CUZD1: variants seen among roughly 807,000 people sequenced by gnomAD.
The protein encoded by CUZD1 is CUB and zona pellucida-like domain-containing protein 1.
Under a neutral mutation model 53.1 loss-of-function variants are expected in CUZD1, and 42 were observed. The ratio of observed to expected loss-of-function variants is 0.79; its 90% CI spans 0.62 to 1.02. The LOEUF (loss-of-function observed/expected upper bound fraction) is 1.02, where lower values mean the gene tolerates loss of function less well. Ranked by LOEUF, CUZD1 falls within the 50% of genes least tolerant of loss-of-function variation. CUZD1 has a pLI of 0.00. For missense variants in CUZD1, 670 were observed against 715.7 expected (o/e 0.94, Z 0.73); for synonymous variants, 238 against 257.2 (o/e 0.93, Z 0.71).
Position 122,835,093 on chromosome 10 carries a change from T to G in CUZD1, c.995A>C (p.Glu332Ala). The G allele has an allele frequency of 6.4e-7, 1 of 1,557,316 alleles. No homozygotes were observed. Among genetic ancestry groups the G allele is most frequent in the Non-Finnish European group, 8.7e-7 (1 of 1,152,074 alleles). Residue 332 changes from glutamate to alanine, a missense_variant, in exon 7 of 9, where the codon GAA (glutamate) becomes GCA (alanine). Glu to Ala is a moderately radical substitution (Grantham distance 107). Transcript: ENST00000392790. ...LNGCGTIRKV[E>A]DQSITYTNII... ...ATTGGTGTAAGTAATTGACTGATCT[T>G]CTACCTGCAGAACGAGATAGAATTC...
At position 122,838,901 on chromosome 10, in the gene CUZD1, T is replaced by C. The variant is rs140455355; in HGVS notation, c.448+116A>G. Reference sequence around the variant, plus strand: ...GTTAGAGAACTACTGCTCTCTCAGATAGAGAAGACTCTGAGGGAATATACT... The same window carrying C: ...GTTAGAGAACTACTGCTCTCTCAGACAGAGAAGACTCTGAGGGAATATACT... On this transcript the variant is annotated intron_variant, in intron 3 of 8. Coordinates refer to ENST00000392790, the MANE Select transcript of CUZD1 (RefSeq NM_022034.6). 585 of 746,324 alleles carry C rather than the reference T, an allele frequency of 7.8e-4. 2 individuals are homozygous for C. In the African/African-American group the frequency reaches 9.4e-3, roughly 12 times the overall value. 46.2% of individuals were successfully genotyped at this position (746,324 alleles called of 1,614,324 possible). A position where few individuals can be genotyped will look rare whatever the true frequency, so the allele number is the denominator to read the frequency against.
At position 122,837,871 on chromosome 10, in the gene CUZD1, T is replaced by G. The variant is rs183903746; in HGVS notation, c.449-317A>C. On this transcript the variant is annotated intron_variant, in intron 3 of 8. Coordinates refer to ENST00000392790, the MANE Select transcript of CUZD1 (RefSeq NM_022034.6). ...TAAAGTCACACCCTCCCTTGAAGGC[T>G]CTTCCTCACTCTCACCAGCTCAGCT... is the stretch of plus-strand genomic sequence containing the variant. 49 of 201,610 alleles carry G rather than the reference T, an allele frequency of 2.4e-4. No individual in the cohort carries two copies. In the East Asian group the frequency reaches 5.8e-3, roughly 24 times the overall value. The allele number at this position is 201,610 out of a possible 1,614,324, so 12.5% of individuals were successfully genotyped here. A position where few individuals can be genotyped will look rare whatever the true frequency, so the allele number is the denominator to read the frequency against.
chr10:122,841,865 T>C (rs920924909), intron 1 of CUZD1, among the ~76,000 whole-genome samples: 2 of 152,250 alleles, frequency 1.3e-5, no homozygotes, highest in Non-Finnish European at 2.9e-5. Flanking sequence ...ATTTCCCTAA[T>C]GGCTAATGAC....
intron 1 of CUZD1, among the ~76,000 whole-genome samples, chr10:122,842,087 A>G (rs1356678236): frequency 6.6e-6 from 1 of 152,082 alleles, no homozygotes; most frequent in Non-Finnish European, 1.5e-5. Flanking sequence ...CATCCTCTTA[A>G]CAGTGTCTTT....
intron 1 of CUZD1, among the ~76,000 whole-genome samples, chr10:122,843,284 T>C (rs998605412): frequency 6.6e-6 from 1 of 152,208 alleles, no homozygotes; most frequent in Non-Finnish European, 1.5e-5. Context: ...CAGTCATCCC[T>C]TGGTGTCCAC....
intron 8 of CUZD1, among the ~76,000 whole-genome samples, 165 bp from the exon 9 acceptor site, chr10:122,832,615 A>G (rs1847177535): frequency 6.6e-6 from 1 of 152,156 alleles, no homozygotes; most frequent in African/African-American, 2.4e-5. Flanking sequence ...AAATAGTTGA[A>G]TTTATTTATA....
At chr10:122,837,588 A>G (rs1847274039) in intron 3 of CUZD1, 34 bp from the exon 4 acceptor site, 1 of 1,521,964 alleles carries the variant, frequency 6.6e-7, no homozygotes, top group Non-Finnish European at 8.8e-7. Flanking sequence ...AAGAATGAAC[A>G]TCAAAATAGA....
At chr10:122,837,777 A>G in intron 3 of CUZD1, 1 of 429,712 alleles carries the variant, frequency 2.3e-6, no homozygotes. Flanking sequence ...AACGAATCAT[A>G]TTAAAGTTGT....
rs569585791 is a variant in CUZD1, at chr10:122,842,746, G to T, written c.83-1418C>A. Among the ~76,000 whole-genome samples the T allele has an allele frequency of 1.5e-4, 23 of 152,202 alleles. 1 individual carries two copies. Among genetic ancestry groups the T allele is most frequent in the African/African-American group, 5.5e-4 (23 of 41,522 alleles). ...ACACTTGATTTCTAGAATGTATAAA[G>T]AATTCTTACAATTCAATAACTAAAA... On this transcript the variant is annotated intron_variant, in intron 1 of 8. Transcript: ENST00000392790.
In CUZD1 at chr10:122,834,727, G is replaced by A; in HGVS notation, c.1361C>T (p.Thr454Ile). Reference sequence around the variant, plus strand: ...ATACCCACTCTTGATTAGGTCGTAGGTTGGAGATGCAAAGTCAGAGGTGGG... The same window carrying A: ...ATACCCACTCTTGATTAGGTCGTAGATTGGAGATGCAAAGTCAGAGGTGGG... The part of the protein sequence containing the change: ...ASPTSDFASP[T>I]YDLIKSGCSR... Residue 454 changes from threonine to isoleucine, a missense_variant, in exon 7 of 9, where the codon ACC becomes ATC. By Grantham distance (89) the Thr-to-Ile change is moderately conservative (BLOSUM62 -1). Coordinates refer to ENST00000392790, the MANE Select transcript of CUZD1 (RefSeq NM_022034.6). The A allele has an allele frequency of 1.9e-6, 3 of 1,608,704 alleles. No individual in the cohort carries two copies. In the South Asian group the frequency reaches 3.3e-5, roughly 18 times the overall value.
chr10:122,843,147 A>G (rs150934577), intron 1 of CUZD1, among the ~76,000 whole-genome samples: 55 of 152,354 alleles, frequency 3.6e-4, no homozygotes, highest in Admixed American at 1.5e-3. Context: ...GTCCACATAA[A>G]AACTTGTATA....
intron 2 of CUZD1, 56 bp from the exon 3 acceptor site, chr10:122,839,287 A>C: frequency 1.3e-6 from 2 of 1,495,904 alleles, no homozygotes; most frequent in South Asian, 2.3e-5. Flanking sequence ...GGGGGTTTGC[A>C]GAGCAGTCAA....
rs369383122 is a variant in CUZD1, at chr10:122,845,759, T to C, written c.82+3A>G. The C allele has an allele frequency of 1.2e-5, 19 of 1,612,930 alleles. No homozygotes were observed. The Admixed American group carries it at 1.5e-4, about 13-fold the overall frequency. On this transcript the variant is annotated splice_donor_region_variant and intron_variant, in intron 1 of 8. Transcript: ENST00000392790. ...GTGAATAAATCTGGTTCAATTTTCTTACCTTCAGCCTCCGCCATTGTCAGC... is the reference window on the plus strand; with the variant it reads ...GTGAATAAATCTGGTTCAATTTTCTCACCTTCAGCCTCCGCCATTGTCAGC...
chr10:122,832,521 T>C, intron 8 of CUZD1, 71 bp from the exon 9 acceptor site: 5 of 1,355,948 alleles, frequency 3.7e-6, no homozygotes, highest in South Asian at 1.3e-5. Context: ...GTAGCTTTTA[T>C]AATACCTGTA....
At chr10:122,839,445 CTA>C (rs1388015668) in intron 2 of CUZD1, among the ~76,000 whole-genome samples, 1 of 152,198 alleles carries the variant, frequency 6.6e-6, no homozygotes, top group Non-Finnish European at 1.5e-5. Flanking sequence ...ACTGCTTTGC[CTA>C]TGTCTTGTAT....
intron 6 of CUZD1, 147 bp from the exon 7 acceptor site, chr10:122,835,244 T>C (rs1847230949): frequency 8.2e-6 from 4 of 486,598 alleles, no homozygotes; most frequent in Non-Finnish European, 1.4e-5. Context: ...AAACCTTAAA[T>C]GTATTTCATT....
intron 3 of CUZD1, 71 bp from the exon 4 acceptor site, chr10:122,837,625 A>G: frequency 7.1e-7 from 1 of 1,400,460 alleles, no homozygotes; most frequent in East Asian, 2.3e-5. Flanking sequence ...TGTGTTGTGC[A>G]TTGAGCTTAA....
rs1239082125 is a variant in CUZD1, at chr10:122,837,449, T to A, written c.554A>T (p.Gln185Leu). ...PELAYCVWHI[Q>L]VEKDYKIKLN... ...TTTTATCTTGTAATCTTTCTCCACT[T>A]GTATGTGCCACACACAATAAGCCAG... Residue 185 changes from glutamine to leucine, a missense_variant, in exon 4 of 9, where the codon CAA becomes CTA. Physicochemically the swap from Gln to Leu is moderately radical, Grantham distance 113. Coordinates refer to ENST00000392790, the MANE Select transcript of CUZD1 (RefSeq NM_022034.6). 1 of 1,614,134 alleles carries A rather than the reference T, an allele frequency of 6.2e-7. No individual in the cohort carries two copies. Among genetic ancestry groups the A allele is most frequent in the Non-Finnish European group, 8.5e-7 (1 of 1,179,984 alleles).
At chr10:122,845,184 C>A (rs1362668031) in intron 1 of CUZD1, among the ~76,000 whole-genome samples, 5 of 151,350 alleles carry the variant, frequency 3.3e-5, no homozygotes, top group South Asian at 4.2e-4. Context: ...TCAAGCGATT[C>A]TCCTGCCTCA....
Sources: allele counts gnomAD v4.1 joint callset (sites outside exome capture counted in the v4.1 genomes callset), GRCh38; gene constraint gnomAD v4.1.1; transcripts MANE v1.5; gene names NCBI Gene and HGNC (gene_info 2026-07-23, HGNC 2026-07-21).